The following TBL1XR1 variants were observed in gnomAD, a reference collection of about 807,000 sequenced individuals.
The protein encoded by TBL1XR1 is F-box-like/WD repeat-containing protein TBL1XR1.
A neutral mutation model predicts 66.9 loss-of-function variants in TBL1XR1; 5 were observed. The observed-to-expected ratio is 0.07, with a 90% CI of 0.04 to 0.16. The LOEUF is 0.16. Among genes scored for constraint, TBL1XR1 ranks in the 10% least tolerant of loss-of-function variants. TBL1XR1 has a pLI of 1.00. For synonymous variants in TBL1XR1, 210 were observed against 206.0 expected, an observed-to-expected ratio of 1.02 and a Z score of -0.17; for missense variants, 238 against 623.2, an observed-to-expected ratio of 0.38 and a Z score of 6.58.
In TBL1XR1 at chr3:177,025,403, T is replaced by C; in HGVS notation, c.*95A>G. On this transcript the variant is annotated 3_prime_UTR_variant, in exon 16 of 16. Coordinates refer to ENST00000457928, the MANE Select transcript of TBL1XR1 (RefSeq NM_024665.7). ...AGATTTGGCTGTAGTGGACTGGCCA[T>C]GGTTCAAGTGGGACTATAGCAGTAC... The C allele has an allele frequency of 1.5e-6, 2 of 1,328,284 alleles. No homozygotes were observed. Among genetic ancestry groups the C allele is most frequent in the Non-Finnish European group, 2.1e-6 (2 of 936,240 alleles). 82.3% of individuals were successfully genotyped at this position (1,328,284 alleles called of 1,614,324 possible). A position where few individuals can be genotyped will look rare whatever the true frequency, so the allele number is the denominator to read the frequency against.
In TBL1XR1 at chr3:177,035,454, G is replaced by A. The variant is rs1488819302; in HGVS notation, c.1123-1129C>T. 5.6e-5 allele frequency among the ~76,000 whole-genome samples: 7 copies of A among 125,900 alleles called. No individual in the cohort carries two copies. The East Asian group carries it at 1.6e-3, about 30-fold the overall frequency. The allele number at this position is 125,900 out of a possible 152,430, so 82.6% of individuals were successfully genotyped here. ...TTTGGAGATGAAGTCTCACTCTCTTGCCCAGGCTGGAGTGCAGCACCACAA... is the reference window on the plus strand; with the variant it reads ...TTTGGAGATGAAGTCTCACTCTCTTACCCAGGCTGGAGTGCAGCACCACAA... On this transcript the variant is annotated intron_variant, in intron 12 of 15. Transcript: ENST00000457928.
intron 1 of TBL1XR1, among the ~76,000 whole-genome samples, chr3:177,146,828 T>G (rs1730314947): frequency 6.6e-6 from 1 of 152,020 alleles, no homozygotes; most frequent in African/African-American, 2.4e-5. Flanking sequence ...ATCACCATAG[T>G]GAGTCACTGT....
intron 1 of TBL1XR1, among the ~76,000 whole-genome samples, chr3:177,159,747 C>T (rs1244428435): frequency 6.6e-6 from 1 of 152,190 alleles, no homozygotes; most frequent in Non-Finnish European, 1.5e-5. Context: ...AATGTCCCTG[C>T]TGCCACCTGA....
intron 1 of TBL1XR1, chr3:177,125,923 ATT>A (rs1425734331): frequency 2.0e-5 from 3 of 152,134 alleles, no homozygotes; most frequent in South Asian, 2.1e-4. Flanking sequence ...CAGATACCAC[ATT>A]TCTTTTGTTT....
chr3:177,034,852 T>C (rs1374225653), intron 12 of TBL1XR1, among the ~76,000 whole-genome samples: 2 of 151,972 alleles, frequency 1.3e-5, no homozygotes, highest in African/African-American at 2.4e-5. Flanking sequence ...AAGCCTTTCC[T>C]GAGATGAAAA....
chr3:177,187,837 T>A (rs1294012450), intron 1 of TBL1XR1, among the ~76,000 whole-genome samples: 1 of 134,782 alleles, frequency 7.4e-6, no homozygotes, highest in African/African-American at 2.6e-5. Context: ...GACTGACACC[T>A]AGTTTATTAA....
intron 1 of TBL1XR1, among the ~76,000 whole-genome samples, chr3:177,103,799 ATTATT>A (rs1173668035): frequency 6.6e-6 from 1 of 152,162 alleles, no homozygotes; most frequent in African/African-American, 2.4e-5. Flanking sequence ...AAAAAATAAA[ATTATT>A]TTGTTTTAAT....
upstream of TBL1XR1, among the ~76,000 whole-genome samples, chr3:177,200,766 G>T (rs1395927090): frequency 2.6e-5 from 4 of 152,192 alleles, no homozygotes. Flanking sequence ...AGCATTTTGG[G>T]AGGCTGAGGT....
chr3:177,165,907 G>A (rs1732763021), intron 1 of TBL1XR1, among the ~76,000 whole-genome samples: 1 of 149,134 alleles, frequency 6.7e-6, no homozygotes. Context: ...GACCAGCCTA[G>A]GCAACATGGC....
chr3:177,071,893 GT>G, intron 2 of TBL1XR1, among the ~76,000 whole-genome samples: 1 of 152,174 alleles, frequency 6.6e-6, no homozygotes, highest in East Asian at 1.9e-4. Flanking sequence ...AGAGAAAACA[GT>G]TGGCAGTACT....
intron 2 of TBL1XR1, chr3:177,079,484 C>T (rs1414264520): frequency 3.3e-5 from 5 of 151,076 alleles, no homozygotes; most frequent in Non-Finnish European, 5.9e-5. Flanking sequence ...AGATCTTATC[C>T]ACACTCTTGG....
intron 1 of TBL1XR1, among the ~76,000 whole-genome samples, chr3:177,126,833 A>G (rs531942210): frequency 8.8e-4 from 133 of 151,044 alleles, no homozygotes; most frequent in African/African-American, 3.1e-3. Flanking sequence ...AAAAAAGGGC[A>G]CAAGTCAAGC....
chr3:177,108,050 T>A (rs1215855137), intron 1 of TBL1XR1, among the ~76,000 whole-genome samples: 1 of 151,588 alleles, frequency 6.6e-6, no homozygotes, highest in Non-Finnish European at 1.5e-5. Flanking sequence ...ACACACCAGA[T>A]ATGGTCCACA....
At chr3:177,030,438 A>G (rs1444083255) in intron 14 of TBL1XR1, among the ~76,000 whole-genome samples, 1 of 152,144 alleles carries the variant, frequency 6.6e-6, no homozygotes, top group African/African-American at 2.4e-5. Context: ...TAGAAGATTC[A>G]CAACAGCATG....
chr3:177,130,145 A>G (rs1022198957), intron 1 of TBL1XR1, among the ~76,000 whole-genome samples: 2 of 49,900 alleles, frequency 4.0e-5, no homozygotes, highest in African/African-American at 1.4e-4. Context: ...ACTCCATCTC[A>G]AAAAAAAAAA....
chr3:177,123,431 A>T (rs9882942), intron 1 of TBL1XR1, among the ~76,000 whole-genome samples: 10,730 of 152,170 alleles, frequency 0.071, 425 homozygotes, highest in Middle Eastern at 0.095. Flanking sequence ...ACTATGCTCA[A>T]ATCTTTAACA....
intron 1 of TBL1XR1, among the ~76,000 whole-genome samples, chr3:177,168,996 T>G (rs1218880521): frequency 6.6e-6 from 1 of 152,158 alleles, no homozygotes; most frequent in African/African-American, 2.4e-5. Flanking sequence ...TTAACTTTTT[T>G]TTTCTTATTA....
chr3:177,172,712 GAGCCA>G (rs1358102246), intron 1 of TBL1XR1, among the ~76,000 whole-genome samples: 3 of 149,684 alleles, frequency 2.0e-5, no homozygotes, highest in Admixed American at 6.7e-5. Flanking sequence ...GGGAAGAGAA[GAGCCA>G]AGCCGAGCCA....
intron 1 of TBL1XR1, among the ~76,000 whole-genome samples, chr3:177,196,736 C>CT (rs1289205187): frequency 9.2e-5 from 9 of 97,470 alleles, no homozygotes; most frequent in African/African-American, 3.1e-4. Flanking sequence ...CTGAAAGCCT[C>CT]CCCCCCCAAA....
Sources: allele counts gnomAD v4.1 joint callset (sites outside exome capture counted in the v4.1 genomes callset), GRCh38; gene constraint gnomAD v4.1.1; transcripts MANE v1.5; gene names NCBI Gene and HGNC (gene_info 2026-07-23, HGNC 2026-07-21).